Variants in DNAH1 observed in about 807,000 individuals in gnomAD.
The protein encoded by DNAH1 is dynein axonemal heavy chain 1, also known as axonemal beta dynein heavy chain 1.
Under a neutral mutation model 484.3 loss-of-function variants are expected in DNAH1, and 327 were observed. That is an observed-to-expected ratio of 0.68 (90% CI 0.62 to 0.74). DNAH1 has a LOEUF of 0.74. Ranked by LOEUF, DNAH1 falls within the 30% of genes least tolerant of loss-of-function variation. The pLI is 0.00. For synonymous variants in DNAH1, 2,192 were observed against 2,191.9 expected (o/e 1.00, Z 0.00); for missense variants, 5,052 against 5,546.8 (o/e 0.91, Z 2.83).
rs781503409 is a variant in DNAH1 at position 52,386,286 on chromosome 3, C to G, written c.8752C>G (p.Pro2918Ala). 1 of 1,607,720 alleles carries G rather than the reference C, an allele frequency of 6.2e-7. No homozygotes were observed. Among genetic ancestry groups the G allele is most frequent in the South Asian group, 1.1e-5 (1 of 89,930 alleles). Reference protein sequence around the residue: ...DAQKDLDEALPALDAALASLR... With the variant: ...DAQKDLDEALAALDAALASLR... Reference sequence around the variant, plus strand: ...CCAGAAGGACCTGGACGAGGCGTTGCCAGCCCTGGATGCGGCTCTGGCCAG... The same window carrying G: ...CCAGAAGGACCTGGACGAGGCGTTGGCAGCCCTGGATGCGGCTCTGGCCAG... The change falls in exon 55 of 78, where the codon CCA becomes GCA. Residue 2918 changes from proline to alanine, a missense_variant. By Grantham distance (27) the Pro-to-Ala change is conservative. This residue lies in a region of DNAH1 where 2,929 missense variants were observed against 3,409.4 expected (regional missense o/e 0.86). Transcript: ENST00000420323.
At chr3:52,384,428 C>T (rs1302768518) in intron 52 of DNAH1, among the ~76,000 whole-genome samples, 2 of 152,186 alleles carry the variant, frequency 1.3e-5, no homozygotes, top group Non-Finnish European at 2.9e-5. Flanking sequence ...CCCCCTAGAT[C>T]CAGCCTCTGA....
intron 2 of DNAH1, 50 bp downstream of exon 2, chr3:52,322,825 C>A: frequency 6.8e-7 from 1 of 1,472,056 alleles, no homozygotes; most frequent in Non-Finnish European, 9.3e-7. Context: ...CCTCTGGGCT[C>A]CGTTCACCCA....
In DNAH1 at chr3:52,378,737, A is replaced by G. The variant is rs780905561; in HGVS notation, c.7334A>G (p.Lys2445Arg). ...ACCTTCAACCTGAGGGACCTCTCCA[A>G]GGTCTTCCAAGGCATGCTCATGGCT... Reference protein sequence around the residue: ...HYTFNLRDLSKVFQGMLMADP... With the variant: ...HYTFNLRDLSRVFQGMLMADP... The change falls in exon 47 of 78, where the codon AAG (lysine) becomes AGG (arginine). Residue 2445 changes from lysine (K) to arginine (R), a missense_variant. This residue lies in a region of DNAH1 where 2,929 missense variants were observed against 3,409.4 expected (regional missense o/e 0.86). Transcript: ENST00000420323. 3.7e-6 allele frequency: 6 copies of G among 1,613,594 alleles called. No individual in the cohort carries two copies. The Admixed American group carries it at 5.0e-5, about 13-fold the overall frequency.
chr3:52,324,879 A>G (rs978679222), intron 3 of DNAH1, among the ~76,000 whole-genome samples: 9 of 152,082 alleles, frequency 5.9e-5, no homozygotes, highest in Non-Finnish European at 7.4e-5. Flanking sequence ...GGTAGTGTCA[A>G]TCAGGGCTCT....
intron 73 of DNAH1, among the ~76,000 whole-genome samples, chr3:52,397,389 A>T (rs1375190570): frequency 6.6e-6 from 1 of 152,142 alleles, no homozygotes; most frequent in Non-Finnish European, 1.5e-5. Context: ...GTGTGAGGAG[A>T]AGCCATGAGC....
rs1170232869 is a variant in DNAH1 at position 52,327,927 on chromosome 3, A to G, written c.784A>G (p.Ile262Val). The stretch of plus-strand genomic sequence containing the variant: ...TGACTGCCGGACTCCCAGAGAGTGG[A>G]TCAACATGGGCTTGGAGCCAGGGTC... ...DFDCRTPREW[I>V]NMGLEPGSLD... is the part of the protein sequence containing the mutation. Residue 262 changes from isoleucine (I) to valine (V), a missense_variant, in exon 6 of 78, where the codon ATC (isoleucine) becomes GTC (valine). Physicochemically the swap from Ile to Val is conservative, Grantham distance 29. This residue lies in a region of DNAH1 where 1,263 missense variants were observed against 1,218.8 expected (regional missense o/e 1.04). Transcript: ENST00000420323. 6.2e-7 allele frequency: 1 copy of G among 1,613,972 alleles called. No individual in the cohort carries two copies. The highest frequency in any genetic ancestry group is 8.5e-7 in the Non-Finnish European group (1 of 1,179,844).
Position 52,361,807 on chromosome 3 carries a change from T to G in DNAH1, c.4980+41T>G. The G allele has an allele frequency of 6.5e-7, 1 of 1,547,316 alleles. No individual in the cohort carries two copies. Among genetic ancestry groups the G allele is most frequent in the Non-Finnish European group, 8.8e-7 (1 of 1,141,792 alleles). On this transcript the variant is annotated intron_variant, in intron 30 of 77. Coordinates refer to ENST00000420323, the MANE Select transcript of DNAH1 (RefSeq NM_015512.5). This position sits in a 1 kb window ranked among gnomAD's most constrained non-coding sequence, Gnocchi z 5.6. ...CCACCTTACTCCCTCAGATCTGCCA[T>G]ACTCACGCCGCCATACTGCTCCCCA...
chr3:52,361,192 C>T lies in DNAH1; in HGVS notation c.4714C>T (p.His1572Tyr), dbSNP rs1195182765. ...CTACCTGACACTGACCGGAGCTCTG[C>T]ACCTCAAGTTTGGGGGTGCCCCAGC... ...RCYLTLTGAL[H>Y]LKFGGAPAGP... Residue 1572 changes from histidine (H) to tyrosine (Y), a missense_variant, in exon 29 of 78, where the codon CAC (histidine) becomes TAC (tyrosine). His to Tyr is a moderately conservative substitution (Grantham distance 83). This residue lies in a region of DNAH1 where 2,929 missense variants were observed against 3,409.4 expected (regional missense o/e 0.86). Transcript: ENST00000420323. This position sits in a 1 kb window ranked among gnomAD's most constrained non-coding sequence, Gnocchi z 5.6. 3.7e-6 allele frequency: 6 copies of T among 1,611,602 alleles called. No homozygotes were observed. The highest frequency in any genetic ancestry group is 1.3e-5 in the African/African-American group (1 of 74,910).
chr3:52,312,355 T>C (rs189719769), upstream of DNAH1, among the ~76,000 whole-genome samples: 4 of 152,166 alleles, frequency 2.6e-5, no homozygotes, highest in African/African-American at 9.6e-5. Flanking sequence ...TTGGACCACA[T>C]GGAGACCTGA....
chr3:52,360,445 C>G (rs898058824), intron 28 of DNAH1, 21 bp downstream of exon 28: 5 of 1,590,616 alleles, frequency 3.1e-6, no homozygotes, highest in Admixed American at 3.3e-5. Context: ...CCCTCTTGCT[C>G]CTTCCCACAC....
intron 8 of DNAH1, among the ~76,000 whole-genome samples, chr3:52,338,407 C>T (rs1193578873): frequency 6.6e-6 from 1 of 152,236 alleles, no homozygotes; most frequent in African/African-American, 2.4e-5. Context: ...CTGTGCCCAG[C>T]CTCTACTTAA....
rs1295081402 is a variant in DNAH1 at position 52,350,077 on chromosome 3, A to C, written c.2615A>C (p.Lys872Thr). The change falls in exon 15 of 78, where the codon AAG (lysine) becomes ACG (threonine). Residue 872 changes from lysine (K) to threonine (T), a missense_variant. By Grantham distance (78) the Lys-to-Thr change is moderately conservative. Around this residue, in one of 4 missense-constraint regions of DNAH1, gnomAD observed 1,263 missense variants for 1,218.8 expected, o/e 1.04. Coordinates refer to ENST00000420323, the MANE Select transcript of DNAH1 (RefSeq NM_015512.5). ...CTGGCTGAGCTGCGAGAGTGGATGA[A>C]GGGCATCCCGGAGAGGCTGGTGGGC... Reference protein sequence around the residue: ...EELAELREWMKGIPERLVGLE... With the variant: ...EELAELREWMTGIPERLVGLE... 7 of 1,612,734 alleles carry C rather than the reference A, an allele frequency of 4.3e-6. No individual in the cohort carries two copies. The highest frequency in any genetic ancestry group is 5.1e-6 in the Non-Finnish European group (6 of 1,179,724).
intron 52 of DNAH1, among the ~76,000 whole-genome samples, chr3:52,384,249 G>A (rs1486294212): frequency 3.9e-5 from 6 of 152,250 alleles, no homozygotes; most frequent in Non-Finnish European, 7.3e-5. Flanking sequence ...ACAGCTGCAC[G>A]GGTACTGCTT....
rs761279081 is a variant in DNAH1, at chr3:52,375,972, A to C, written c.7177A>C (p.Lys2393Gln). ...GNWLDGLLGE[K>Q]SYRERVPGAP... Reference sequence around the variant, plus strand: ...TCCTCTAGATGGACTCCTTGGAGAAAAAAGCTACCGGGAGCGTGTGCGTAA... The same window carrying C: ...TCCTCTAGATGGACTCCTTGGAGAACAAAGCTACCGGGAGCGTGTGCGTAA... Residue 2393 changes from lysine (K) to glutamine (Q), a missense_variant, in exon 46 of 78, where the codon AAA (lysine) becomes CAA (glutamine). By Grantham distance (53) the Lys-to-Gln change is moderately conservative. Around this residue, in one of 4 missense-constraint regions of DNAH1, gnomAD observed 2,929 missense variants for 3,409.4 expected, o/e 0.86. Coordinates refer to ENST00000420323, the MANE Select transcript of DNAH1 (RefSeq NM_015512.5). 5.0e-6 allele frequency: 8 copies of C among 1,612,278 alleles called. No homozygotes were observed. The Admixed American group carries it at 1.3e-4, about 27-fold the overall frequency.
Position 52,362,565 on chromosome 3 carries a change from A to G in DNAH1, c.5094+64A>G. On this transcript the variant is annotated intron_variant, in intron 31 of 77. Transcript: ENST00000420323. This position sits in a 1 kb window ranked among gnomAD's most constrained non-coding sequence, Gnocchi z 5.1. ...CTCTAGCCTGAGTTCAGAGATGCTA[A>G]GCCACTTATGCAAGGACACAGTTGC... 1 of 1,408,760 alleles carries G rather than the reference A, an allele frequency of 7.1e-7. No individual in the cohort carries two copies. Among genetic ancestry groups the G allele is most frequent in the East Asian group, 2.4e-5 (1 of 41,550 alleles). The allele number at this position is 1,408,760 out of a possible 1,614,324, so 87.3% of individuals were successfully genotyped here. A position where few individuals can be genotyped will look rare whatever the true frequency, so the allele number is the denominator to read the frequency against.
At chr3:52,315,145 C>T (rs1449777554), upstream of DNAH1, among the ~76,000 whole-genome samples, 2 of 152,174 alleles carry the variant, frequency 1.3e-5, no homozygotes, top group Admixed American at 6.5e-5. Context: ...TCGTAGACCT[C>T]ACCCATTCCC....
intron 6 of DNAH1, among the ~76,000 whole-genome samples, chr3:52,330,479 C>T (rs964923659): frequency 5.9e-5 from 9 of 152,198 alleles, no homozygotes; most frequent in African/African-American, 1.2e-4. Flanking sequence ...TGTTCCAAGC[C>T]GAGGGCACAG....
At chr3:52,385,504 C>T in intron 54 of DNAH1, 57 bp downstream of exon 54, 1 of 1,440,396 alleles carries the variant, frequency 6.9e-7, no homozygotes, top group Non-Finnish European at 9.5e-7. Context: ...CTCGGCACCC[C>T]CACACAGGCG....
intron 73 of DNAH1, 80 bp downstream of exon 73, chr3:52,397,124 G>A (rs1300680445): frequency 9.8e-6 from 13 of 1,332,262 alleles, no homozygotes; most frequent in Non-Finnish European, 1.3e-5. Context: ...TTGGTGCTGG[G>A]TGGGAGGAGA....
Sources: allele counts gnomAD v4.1 joint callset (sites outside exome capture counted in the v4.1 genomes callset), GRCh38; gene constraint gnomAD v4.1.1; regional missense constraint gnomAD v4.1.1; non-coding constraint Gnocchi (gnomAD v3.1); transcripts MANE v1.5; gene names NCBI Gene and HGNC (gene_info 2026-07-23, HGNC 2026-07-21).